DCLK2: variants seen among roughly 807,000 people sequenced by gnomAD.
DCLK2 encodes the protein serine/threonine-protein kinase DCLK2.
DCLK2 carries 31 observed loss-of-function variants against 78.4 expected under a neutral mutation model. The ratio of observed to expected loss-of-function variants is 0.40; its 90% CI spans 0.30 to 0.53. The LOEUF (loss-of-function observed/expected upper bound fraction) is 0.53, where lower values mean the gene tolerates loss of function less well. DCLK2 is among the 20% of genes least tolerant of loss of function. The pLI, the probability that DCLK2 is intolerant of heterozygous loss-of-function variation, is 0.61. For missense variants in DCLK2, 872 were observed against 973.7 expected (o/e 0.90, Z 1.39); for synonymous variants, 407 against 374.9 (o/e 1.09, Z -0.99).
In DCLK2 at chr4:150,078,720, T is replaced by G; in HGVS notation, c.-308T>G. The G allele has an allele frequency of 1.7e-5, 4 of 229,646 alleles. No homozygotes were observed. The highest frequency in any genetic ancestry group is 2.3e-5 in the African/African-American group (1 of 44,324). 14.2% of individuals were successfully genotyped at this position (229,646 alleles called of 1,614,324 possible). On this transcript the variant is annotated 5_prime_UTR_variant, in exon 1 of 16. Coordinates refer to ENST00000296550, the MANE Select transcript of DCLK2 (RefSeq NM_001040260.4). ...CTCCCGGTCGGCTCCCGAGCGGGAC[T>G]TGTGAGGCGTGGCCGGGTGGAGGAG...
chr4:150,127,456 A>T (rs1001850925), intron 2 of DCLK2, among the ~76,000 whole-genome samples: 4 of 152,172 alleles, frequency 2.6e-5, no homozygotes, highest in Non-Finnish European at 4.4e-5. Flanking sequence ...ATTTTATTGT[A>T]TGGGTTATAA....
intron 2 of DCLK2, among the ~76,000 whole-genome samples, chr4:150,168,675 T>C (rs561063422): frequency 6.6e-6 from 1 of 152,302 alleles, no homozygotes; most frequent in South Asian, 2.1e-4. Context: ...GTGGCCACTA[T>C]TGCAATCCCA....
At chr4:150,096,725 G>C (rs1730492444) in intron 1 of DCLK2, among the ~76,000 whole-genome samples, 1 of 152,232 alleles carries the variant, frequency 6.6e-6, no homozygotes, top group Non-Finnish European at 1.5e-5. Context: ...CTTTGCATTT[G>C]GCAGTTAGGT....
At chr4:150,251,963 G>C (rs771528802) in intron 15 of DCLK2, among the ~76,000 whole-genome samples, 3 of 152,032 alleles carry the variant, frequency 2.0e-5, no homozygotes. Flanking sequence ...TCTCCAGACA[G>C]AGCCTGGGTT....
At chr4:150,192,892 C>T (rs1738572145) in intron 2 of DCLK2, among the ~76,000 whole-genome samples, 1 of 152,152 alleles carries the variant, frequency 6.6e-6, no homozygotes, top group Admixed American at 6.5e-5. Flanking sequence ...CATGTACGTC[C>T]TTGACTTCAC....
chr4:150,105,196 C>T (rs1429979243), intron 2 of DCLK2, among the ~76,000 whole-genome samples: 7 of 152,042 alleles, frequency 4.6e-5, no homozygotes, highest in African/African-American at 1.7e-4. Flanking sequence ...AACAGATTTT[C>T]TAAGCATAAC....
chr4:150,233,774 C>T (rs758891618), intron 10 of DCLK2, among the ~76,000 whole-genome samples: 4 of 152,104 alleles, frequency 2.6e-5, no homozygotes, highest in Admixed American at 6.5e-5. Flanking sequence ...AACTCTTATC[C>T]ATCCAACCCA....
chr4:150,246,850 A>G (rs1743357841), intron 12 of DCLK2, among the ~76,000 whole-genome samples: 1 of 152,126 alleles, frequency 6.6e-6, no homozygotes, highest in Non-Finnish European at 1.5e-5. Context: ...GGTTGGAGGG[A>G]TGCCCCTGTG....
chr4:150,256,194 C>T lies in DCLK2; in HGVS notation c.2248C>T (p.Pro750Ser), dbSNP rs1162518896. The change falls in exon 16 of 16, where the codon CCC (proline) becomes TCC (serine). Residue 750 changes from proline to serine, a missense_variant. Pro to Ser is a moderately conservative substitution (Grantham distance 74, BLOSUM62 -1). Around this residue, in one of 3 missense-constraint regions of DCLK2, gnomAD observed 219 missense variants for 230.1 expected, o/e 0.95. Transcript: ENST00000296550. ...PPESPTPHPP[P>S]AAPGGERAGT... is the part of the protein sequence containing the mutation. ...GGAATCTCCCACCCCCCACCCTCCT[C>T]CCGCTGCCCCGGGTGGTGAGCGGGC... 3 of 1,541,266 alleles carry T rather than the reference C, an allele frequency of 1.9e-6. No individual in the cohort carries two copies. The African/African-American group carries it at 4.2e-5, about 21-fold the overall frequency.
intron 2 of DCLK2, among the ~76,000 whole-genome samples, chr4:150,164,488 G>A (rs1275073387): frequency 6.6e-6 from 1 of 152,182 alleles, no homozygotes; most frequent in East Asian, 1.9e-4. Flanking sequence ...AATTAGCTAA[G>A]TACATATATT....
intron 2 of DCLK2, among the ~76,000 whole-genome samples, chr4:150,173,528 G>A (rs1049514111): frequency 6.6e-6 from 1 of 152,144 alleles, no homozygotes; most frequent in Admixed American, 6.6e-5. Context: ...TCTGGTGAAG[G>A]AAAGAAATGT....
intron 2 of DCLK2, among the ~76,000 whole-genome samples, chr4:150,107,376 T>TTA (rs1424565024): frequency 2.4e-5 from 3 of 126,056 alleles, no homozygotes; most frequent in African/African-American, 8.6e-5. Context: ...TTTTTGGTTA[T>TTA]TGTTTTTTTT....
chr4:150,208,160 G>T (rs577097228), intron 5 of DCLK2, among the ~76,000 whole-genome samples: 4 of 152,188 alleles, frequency 2.6e-5, no homozygotes, highest in South Asian at 2.1e-4. Context: ...CCTGGATTCT[G>T]CAAGGACAGG....
intron 2 of DCLK2, among the ~76,000 whole-genome samples, chr4:150,160,270 G>A (rs569069173): frequency 2.6e-5 from 4 of 152,152 alleles, no homozygotes; most frequent in African/African-American, 4.8e-5. Flanking sequence ...CACCTGCCTC[G>A]GCCTCCCAGA....
chr4:150,224,419 T>C, intron 7 of DCLK2, 82 bp from the exon 8 acceptor site: 6 of 1,232,864 alleles, frequency 4.9e-6, no homozygotes, highest in Non-Finnish European at 5.6e-6. Flanking sequence ...AAAAAAAAAA[T>C]TAAAGTATAA....
chr4:150,082,653 C>G (rs549788533), intron 1 of DCLK2, among the ~76,000 whole-genome samples: 1 of 152,316 alleles, frequency 6.6e-6, no homozygotes, highest in South Asian at 2.1e-4. Flanking sequence ...GGGACCTCTT[C>G]CGGCAGGACT....
chr4:150,239,459 G>A (rs554806879), intron 10 of DCLK2, among the ~76,000 whole-genome samples: 1 of 152,054 alleles, frequency 6.6e-6, no homozygotes, highest in Non-Finnish European at 1.5e-5. Context: ...TTAGCCTAGT[G>A]TGGTGGCATG....
At chr4:150,244,150 G>A (rs947343284) in intron 12 of DCLK2, among the ~76,000 whole-genome samples, 3 of 151,936 alleles carry the variant, frequency 2.0e-5, no homozygotes, top group African/African-American at 7.3e-5. Context: ...GCCCAGGCTG[G>A]TCTTGAACTC....
intron 2 of DCLK2, among the ~76,000 whole-genome samples, chr4:150,133,194 G>T (rs574094105): frequency 5.3e-5 from 8 of 152,280 alleles, no homozygotes; most frequent in African/African-American, 1.9e-4. Flanking sequence ...AAAGGTCAAA[G>T]AAATGTGCCA....
Sources: gnomAD v4.1 joint callset for allele counts (sites outside exome capture counted in the v4.1 genomes callset) on GRCh38, gnomAD v4.1.1 for gene constraint, gnomAD v4.1.1 regional missense constraint, MANE v1.5 for transcripts, NCBI Gene and HGNC (gene_info 2026-07-23, HGNC 2026-07-21) for gene names.